Variants in HOOK3 observed in about 807,000 individuals in gnomAD.
HOOK3 encodes the protein protein Hook homolog 3.
In HOOK3, 24 loss-of-function variants were observed where a neutral mutation model predicts 116.3. The ratio of observed to expected loss-of-function variants is 0.21; its 90% CI spans 0.15 to 0.29. HOOK3 has a LOEUF of 0.29. HOOK3 is among the 10% of genes least tolerant of loss of function. The probability of loss-of-function intolerance (pLI) is 1.00; values close to 1 mark genes in which losing one functional copy is unlikely to be tolerated. For missense variants in HOOK3, 632 were observed against 830.2 expected, an observed-to-expected ratio of 0.76 and a Z score of 2.93; for synonymous variants, 275 against 283.0, an observed-to-expected ratio of 0.97 and a Z score of 0.28.
chr8:43,015,112 G>A (rs551826418), intron 21 of HOOK3, among the ~76,000 whole-genome samples: 1 of 152,156 alleles, frequency 6.6e-6, no homozygotes, highest in East Asian at 1.9e-4. Context: ...ACTCCAGCCT[G>A]GGTGACAGAG....
intron 1 of HOOK3, among the ~76,000 whole-genome samples, chr8:42,899,009 C>CA (rs1478315785): frequency 6.6e-6 from 1 of 152,132 alleles, no homozygotes; most frequent in Non-Finnish European, 1.5e-5. Context: ...TATGGGCACT[C>CA]AGAGTATGGT....
chr8:42,897,387 C>T (rs901065612), intron 1 of HOOK3, 199 bp downstream of exon 1: 13 of 384,860 alleles, frequency 3.4e-5, no homozygotes, highest in Middle Eastern at 6.6e-4. Context: ...CCGGGCGGAC[C>T]CCGGCCGGGG....
chr8:42,960,858 A>T (rs550580114), intron 8 of HOOK3, among the ~76,000 whole-genome samples: 18 of 152,194 alleles, frequency 1.2e-4, no homozygotes, highest in Non-Finnish European at 2.4e-4. Context: ...TCTGTGTACT[A>T]GGCAGTTTTT....
chr8:43,012,223 TA>T (rs1809626862), intron 19 of HOOK3, among the ~76,000 whole-genome samples: 1 of 152,232 alleles, frequency 6.6e-6, no homozygotes, highest in African/African-American at 2.4e-5. Context: ...GCAAACATTG[TA>T]GAGTGTACTT....
At chr8:42,994,304 C>A (rs1809224099) in intron 15 of HOOK3, 1 of 233,222 alleles carries the variant, frequency 4.3e-6, no homozygotes, top group African/African-American at 2.4e-5. Flanking sequence ...ATGTGAGCCA[C>A]CACACCCAGC....
chr8:42,966,138 G>T (rs1199524788), intron 9 of HOOK3, among the ~76,000 whole-genome samples: 2 of 151,992 alleles, frequency 1.3e-5, no homozygotes, highest in Admixed American at 6.6e-5. Context: ...AACATAATGG[G>T]TTTATTACTG....
intron 5 of HOOK3, among the ~76,000 whole-genome samples, chr8:42,947,115 C>T (rs1180650934): frequency 6.6e-6 from 1 of 151,994 alleles, no homozygotes; most frequent in African/African-American, 2.4e-5. Flanking sequence ...CAGTTTAGCT[C>T]AAGAATTAAA....
intron 2 of HOOK3, among the ~76,000 whole-genome samples, chr8:42,908,002 T>G (rs1348929315): frequency 6.6e-6 from 1 of 151,938 alleles, no homozygotes; most frequent in Admixed American, 6.6e-5. Context: ...CTACAAAAAA[T>G]CAGTAGTGTT....
intron 13 of HOOK3, among the ~76,000 whole-genome samples, chr8:42,974,651 C>G (rs1457609022): frequency 6.6e-6 from 1 of 152,328 alleles, no homozygotes; most frequent in East Asian, 1.9e-4. Flanking sequence ...TCGCAAAGCC[C>G]GGGCTCCAGC....
At chr8:42,980,844 AC>A (rs1808925845) in intron 13 of HOOK3, among the ~76,000 whole-genome samples, 1 of 151,860 alleles carries the variant, frequency 6.6e-6, no homozygotes, top group South Asian at 2.1e-4. Flanking sequence ...AGATCGCGCC[AC>A]TGCACTCCAG....
intron 17 of HOOK3, among the ~76,000 whole-genome samples, chr8:43,003,993 A>G (rs1415839358): frequency 2.0e-5 from 3 of 152,158 alleles, no homozygotes; most frequent in Non-Finnish European, 2.9e-5. Flanking sequence ...TAAAACTCCA[A>G]TTTTTCTTTT....
In HOOK3 at chr8:42,930,140, A is replaced by C. The variant is rs779765005; in HGVS notation, c.235A>C (p.Ile79Leu). 8.4e-6 allele frequency: 13 copies of C among 1,553,376 alleles called. No homozygotes were observed. Among genetic ancestry groups the C allele is most frequent in the Non-Finnish European group, 1.1e-5 (13 of 1,148,544 alleles). Residue 79 changes from isoleucine (I) to leucine (L), a missense_variant, in exon 4 of 22, where the codon ATT becomes CTT. Ile to Leu is a conservative substitution (Grantham distance 5). Transcript: ENST00000307602. ...WRLKISNLKKILKGILDYNHE... is the reference protein window; with the variant it reads ...WRLKISNLKKLLKGILDYNHE... ...TAAACAGATAAGCAATTTAAAGAAA[A>C]TTTTAAAAGGAATCTTGGATTATAA... is the stretch of plus-strand genomic sequence containing the variant.
At chr8:42,939,277 C>CT (rs1217594124) in intron 4 of HOOK3, among the ~76,000 whole-genome samples, 2 of 152,178 alleles carry the variant, frequency 1.3e-5, no homozygotes, top group Non-Finnish European at 2.9e-5. Flanking sequence ...GGGCTCCTCA[C>CT]TTCCCAGTAG....
chr8:42,946,447 G>A (rs535702355), intron 5 of HOOK3, among the ~76,000 whole-genome samples: 5 of 152,008 alleles, frequency 3.3e-5, no homozygotes, highest in Non-Finnish European at 2.9e-5. Flanking sequence ...AGGAAAATAC[G>A]GCAGGAGATA....
rs7016006 is a variant in HOOK3 at position 42,955,863 on chromosome 8, T to G, written c.469-1231T>G. 3.4e-3 allele frequency among the ~76,000 whole-genome samples: 524 copies of G among 152,282 alleles called. 3 individuals are homozygous for G. Among genetic ancestry groups the G allele is most frequent in the South Asian group, 0.011 (53 of 4,826 alleles). On this transcript the variant is annotated intron_variant, in intron 6 of 21. Transcript: ENST00000307602. The stretch of plus-strand genomic sequence containing the variant: ...CACAAGATCTCAACAGTACATCCTT[T>G]TGCCTCTTTTTCTTTTAAGAGATGT...
rs1375457976 is a variant in HOOK3 at position 43,005,661 on chromosome 8, GTATT to G, written c.1656-2180_1656-2177del. On this transcript the variant is annotated intron_variant, in intron 17 of 21. Coordinates refer to ENST00000307602, the MANE Select transcript of HOOK3 (RefSeq NM_032410.4). Reference sequence around the variant, plus strand: ...GACTACTAAGTTTTGGGGATGATTTGTATTTATTTTTATTTTTATGTTTTTAAAC... The same window carrying G: ...GACTACTAAGTTTTGGGGATGATTTGTATTTTTATTTTTATGTTTTTAAAC... Among the ~76,000 whole-genome samples, 5 of 151,132 alleles carry G rather than the reference GTATT, an allele frequency of 3.3e-5. No homozygotes were observed. In the East Asian group the frequency reaches 5.8e-4, roughly 18 times the overall value.
In HOOK3 at chr8:42,897,077, G is replaced by T; in HGVS notation, c.-55G>T. On this transcript the variant is annotated 5_prime_UTR_variant, in exon 1 of 22. Transcript: ENST00000307602. ...GCGCGGGCCCCCGGATCCCCCGACA[G>T]AGCGGCGGCGGTGTCTGGCCAGGCG... 1 of 1,220,010 alleles carries T rather than the reference G, an allele frequency of 8.2e-7. No individual in the cohort carries two copies. Among genetic ancestry groups the T allele is most frequent in the Non-Finnish European group, 1.0e-6 (1 of 970,826 alleles). The allele number at this position is 1,220,010 out of a possible 1,614,324, so 75.6% of individuals were successfully genotyped here. A position where few individuals can be genotyped will look rare whatever the true frequency, so the allele number is the denominator to read the frequency against.
chr8:42,914,455 C>T (rs1807492979), intron 2 of HOOK3, among the ~76,000 whole-genome samples: 1 of 152,086 alleles, frequency 6.6e-6, no homozygotes, highest in African/African-American at 2.4e-5. Flanking sequence ...TTTCTATTTA[C>T]CACTATTTAA....
chr8:42,998,349 T>G (rs2130469075), intron 16 of HOOK3, among the ~76,000 whole-genome samples: 1 of 152,294 alleles, frequency 6.6e-6, no homozygotes, highest in South Asian at 2.1e-4. Context: ...AAAAATAGTG[T>G]AAAGAGGAGA....
Sources: gnomAD v4.1 joint callset for allele counts (sites outside exome capture counted in the v4.1 genomes callset) on GRCh38, gnomAD v4.1.1 for gene constraint, MANE v1.5 for transcripts, NCBI Gene and HGNC (gene_info 2026-07-23, HGNC 2026-07-21) for gene names.